Variants in RBFOX1 observed in about 807,000 individuals in gnomAD.
The protein encoded by RBFOX1 is RNA binding protein fox-1 homolog 1.
RBFOX1 carries 8 observed loss-of-function variants against 57.7 expected under a neutral mutation model. The ratio of observed to expected loss-of-function variants is 0.14; its 90% CI spans 0.08 to 0.25. The LOEUF is 0.25. Among genes scored for constraint, RBFOX1 ranks in the 10% least tolerant of loss-of-function variants. The pLI is 1.00. For synonymous variants in RBFOX1, 326 were observed against 222.4 expected (o/e 1.47, Z -4.15); for missense variants, 611 against 548.5 (o/e 1.11, Z -1.14).
intron 1 of RBFOX1, among the ~76,000 whole-genome samples, chr16:5,270,006 A>G (rs1003724570): frequency 7.2e-5 from 11 of 152,092 alleles, no homozygotes; most frequent in Non-Finnish European, 1.6e-4. Context: ...AAGAAAAAAT[A>G]AATAGCAGCT....
At chr16:7,128,962 A>G (rs932077888) in intron 4 of RBFOX1, among the ~76,000 whole-genome samples, 1 of 151,798 alleles carries the variant, frequency 6.6e-6, no homozygotes, top group Non-Finnish European at 1.5e-5. Flanking sequence ...CTGGGACTAC[A>G]GGTGCATGAC....
intron 4 of RBFOX1, among the ~76,000 whole-genome samples, chr16:7,345,466 G>A (rs1273501466): frequency 1.3e-5 from 2 of 152,150 alleles, no homozygotes; most frequent in African/African-American, 2.4e-5. Context: ...AATGAGCTGG[G>A]TTTTGTTTCA....
At chr16:5,907,993 C>T (rs1322586697) in intron 4 of RBFOX1, among the ~76,000 whole-genome samples, 1 of 151,570 alleles carries the variant, frequency 6.6e-6, no homozygotes, top group Non-Finnish European at 1.5e-5. Flanking sequence ...TCAAGTTCTC[C>T]ACCCTCTTCG....
chr16:5,828,723 C>G (rs73516192), intron 3 of RBFOX1, among the ~76,000 whole-genome samples: 7,157 of 152,078 alleles, frequency 0.047, 378 homozygotes, highest in African/African-American at 0.13. Flanking sequence ...AAAAATGGAA[C>G]CTTGTCAAAG....
intron 3 of RBFOX1, among the ~76,000 whole-genome samples, chr16:6,950,399 A>C (rs138586203): frequency 3.3e-5 from 5 of 151,948 alleles, no homozygotes; most frequent in Non-Finnish European, 7.4e-5. Context: ...ACTACCCACT[A>C]CACCAGCATG....
intron 1 of RBFOX1, among the ~76,000 whole-genome samples, chr16:5,306,743 C>G (rs1469572518): frequency 6.6e-6 from 1 of 152,212 alleles, no homozygotes; most frequent in African/African-American, 2.4e-5. Flanking sequence ...TCACCCGGAT[C>G]ACTTTATGCC....
chr16:6,397,152 A>G (rs935888524), intron 2 of RBFOX1, among the ~76,000 whole-genome samples: 2 of 152,208 alleles, frequency 1.3e-5, no homozygotes, highest in African/African-American at 4.8e-5. Context: ...AAATTTCTTC[A>G]AATTTGGTGA....
chr16:6,777,520 T>C (rs1167473148), intron 3 of RBFOX1, among the ~76,000 whole-genome samples: 1 of 152,196 alleles, frequency 6.6e-6, no homozygotes, highest in Non-Finnish European at 1.5e-5. Context: ...TTCTATTTTG[T>C]AATGCATTTC....
At chr16:7,669,681 CAT>C (rs2070733196) in intron 13 of RBFOX1, among the ~76,000 whole-genome samples, 1 of 152,166 alleles carries the variant, frequency 6.6e-6, no homozygotes, top group East Asian at 1.9e-4. Flanking sequence ...CTCTGCCACC[CAT>C]ATGTTTTAAA....
At chr16:6,976,802 G>GAT (rs2087012233) in intron 3 of RBFOX1, among the ~76,000 whole-genome samples, 1 of 133,760 alleles carries the variant, frequency 7.5e-6, no homozygotes, top group Non-Finnish European at 1.5e-5. Flanking sequence ...TATGATATAT[G>GAT]AGATATAAAT....
At position 5,288,846 on chromosome 16, in the gene RBFOX1, G is replaced by C. The variant is rs192693113; in HGVS notation, c.219+48741G>C. On this transcript the variant is annotated intron_variant, in intron 1 of 2. Coordinates refer to the RBFOX1 transcript ENST00000585867. Reference sequence around the variant, plus strand: ...GCAGGTAACCATAAAACTCATATAGGCTGGGCGCAGTGGCTCACACCTGTA... The same window carrying C: ...GCAGGTAACCATAAAACTCATATAGCCTGGGCGCAGTGGCTCACACCTGTA... Among the ~76,000 whole-genome samples the C allele has an allele frequency of 5.3e-3, 802 of 151,440 alleles. 3 individuals are homozygous for C. The highest frequency in any genetic ancestry group is 8.8e-3 in the Non-Finnish European group (594 of 67,802).
At chr16:6,939,827 G>C (rs964709744) in intron 3 of RBFOX1, among the ~76,000 whole-genome samples, 4 of 152,102 alleles carry the variant, frequency 2.6e-5, no homozygotes, top group African/African-American at 9.7e-5. Flanking sequence ...TTTTCACTAA[G>C]AGGGTATCAT....
At chr16:7,430,595 G>C in intron 4 of RBFOX1, among the ~76,000 whole-genome samples, 1 of 151,414 alleles carries the variant, frequency 6.6e-6, no homozygotes, top group Non-Finnish European at 1.5e-5. Flanking sequence ...CCAGGAGACA[G>C]AGGTTTCAGT....
At chr16:6,380,288 C>A (rs1472627706) in intron 2 of RBFOX1, among the ~76,000 whole-genome samples, 2 of 151,442 alleles carry the variant, frequency 1.3e-5, no homozygotes, top group African/African-American at 4.9e-5. Flanking sequence ...GACTGATGTT[C>A]TCCTTGGAAA....
At chr16:5,446,411 CT>C (rs1218001609) in intron 1 of RBFOX1, among the ~76,000 whole-genome samples, 6 of 152,036 alleles carry the variant, frequency 3.9e-5, no homozygotes, top group Admixed American at 2.0e-4. Flanking sequence ...TTTCTTTCCT[CT>C]TTTTTTTGTC....
intron 2 of RBFOX1, among the ~76,000 whole-genome samples, chr16:6,567,432 C>T (rs1217490616): frequency 2.0e-5 from 3 of 152,168 alleles, no homozygotes; most frequent in Admixed American, 6.5e-5. Flanking sequence ...TGGCAGTTCT[C>T]ATGATTCAGG....
chr16:7,139,731 T>G (rs2073132060), intron 4 of RBFOX1, among the ~76,000 whole-genome samples: 1 of 152,102 alleles, frequency 6.6e-6, no homozygotes, highest in African/African-American at 2.4e-5. Context: ...ATGAAGAGGT[T>G]GAAGACTGAG....
intron 5 of RBFOX1, among the ~76,000 whole-genome samples, chr16:7,575,724 G>A (rs981253616): frequency 2.0e-5 from 3 of 152,092 alleles, no homozygotes; most frequent in Non-Finnish European, 4.4e-5. Context: ...TTCAGGAAAC[G>A]AATATAGAGA....
intron 4 of RBFOX1, among the ~76,000 whole-genome samples, chr16:7,347,313 C>G (rs894450009): frequency 6.6e-6 from 1 of 152,070 alleles, no homozygotes; most frequent in Non-Finnish European, 1.5e-5. Context: ...GGAGCCCTCA[C>G]AATCATGTTG....
Sources: gnomAD v4.1 joint callset for allele counts (sites outside exome capture counted in the v4.1 genomes callset) on GRCh38, gnomAD v4.1.1 for gene constraint, MANE v1.5 for transcripts, NCBI Gene and HGNC (gene_info 2026-07-23, HGNC 2026-07-21) for gene names.